The following ADRA1A variants were observed in gnomAD, a reference collection of about 807,000 sequenced individuals.
ADRA1A encodes the protein adrenoceptor alpha 1A, also known as alpha-1A adrenergic receptor.
A neutral mutation model predicts 29.6 loss-of-function variants in ADRA1A; 31 were observed. The observed-to-expected ratio is 1.05, with a 90% CI of 0.79 to 1.41. ADRA1A has a LOEUF of 1.41. ADRA1A is among the 40% of genes most tolerant of loss of function. The pLI, the probability that ADRA1A is intolerant of heterozygous loss-of-function variation, is 0.00. For missense variants in ADRA1A, 619 were observed against 601.1 expected (o/e 1.03, Z -0.31); for synonymous variants, 311 against 254.3 (o/e 1.22, Z -2.12).
chr8:26,785,451 G>A (rs2130382437), intron 2 of ADRA1A, among the ~76,000 whole-genome samples: 1 of 152,298 alleles, frequency 6.6e-6, no homozygotes, highest in Non-Finnish European at 1.5e-5. Flanking sequence ...TCAGGAACTT[G>A]CTCAGGGTTA....
chr8:26,777,851 T>C (rs1806666573), intron 2 of ADRA1A, among the ~76,000 whole-genome samples: 1 of 152,214 alleles, frequency 6.6e-6, no homozygotes, highest in Non-Finnish European at 1.5e-5. Flanking sequence ...CAGGGCACCC[T>C]GGGGGCCTGC....
At chr8:26,817,839 G>T (rs1172594255) in intron 2 of ADRA1A, among the ~76,000 whole-genome samples, 1 of 152,154 alleles carries the variant, frequency 6.6e-6, no homozygotes, top group African/African-American at 2.4e-5. Context: ...ATTTGCTGAT[G>T]TTAACCCAAG....
downstream of ADRA1A, among the ~76,000 whole-genome samples, chr8:26,751,862 A>G (rs1804937146): frequency 6.6e-6 from 1 of 152,196 alleles, no homozygotes; most frequent in East Asian, 1.9e-4. Flanking sequence ...GGAAATGAAC[A>G]CTCAGGTTGG....
chr8:26,832,529 ATG>A (rs761291551), intron 2 of ADRA1A, among the ~76,000 whole-genome samples: 22 of 152,292 alleles, frequency 1.4e-4, no homozygotes, highest in Admixed American at 6.5e-4. Flanking sequence ...GGTTGTGGAC[ATG>A]TGTTTTCTTG....
chr8:26,826,649 C>T (rs1049965633), intron 2 of ADRA1A, among the ~76,000 whole-genome samples: 1 of 152,162 alleles, frequency 6.6e-6, no homozygotes, highest in Non-Finnish European at 1.5e-5. Flanking sequence ...GCTCATCGAC[C>T]CTATGCCCTT....
chr8:26,845,644 G>C (rs966490285), intron 2 of ADRA1A, among the ~76,000 whole-genome samples: 1 of 152,208 alleles, frequency 6.6e-6, no homozygotes, highest in Non-Finnish European at 1.5e-5. Context: ...GATGTTCATA[G>C]CAATGCTATT....
intron 2 of ADRA1A, among the ~76,000 whole-genome samples, chr8:26,857,866 C>G (rs1257968538): frequency 6.6e-6 from 1 of 152,096 alleles, no homozygotes. Flanking sequence ...GTCCTTTTTC[C>G]TTGTCATTTT....
intron 2 of ADRA1A, among the ~76,000 whole-genome samples, chr8:26,820,979 T>A (rs1035068678): frequency 2.0e-5 from 3 of 152,082 alleles, no homozygotes; most frequent in African/African-American, 7.2e-5. Flanking sequence ...AACTTCCACC[T>A]CCTGGGTTCA....
At chr8:26,834,042 A>C (rs1353124676) in intron 2 of ADRA1A, among the ~76,000 whole-genome samples, 1 of 152,240 alleles carries the variant, frequency 6.6e-6, no homozygotes, top group Non-Finnish European at 1.5e-5. Flanking sequence ...GTATGTAATA[A>C]GAAAGCAGGA....
At chr8:26,834,275 G>A (rs1428740947) in intron 2 of ADRA1A, among the ~76,000 whole-genome samples, 3 of 152,190 alleles carry the variant, frequency 2.0e-5, no homozygotes, top group Non-Finnish European at 4.4e-5. Context: ...TCTTTAGGTT[G>A]TGAAGATATC....
chr8:26,810,058 C>A (rs1338313205), intron 2 of ADRA1A, among the ~76,000 whole-genome samples: 1 of 152,198 alleles, frequency 6.6e-6, no homozygotes. Flanking sequence ...CTTATTACTT[C>A]CTGCCTTTCT....
intron 2 of ADRA1A, among the ~76,000 whole-genome samples, chr8:26,849,825 C>G (rs561077816): frequency 3.3e-5 from 5 of 152,084 alleles, no homozygotes; most frequent in Non-Finnish European, 7.4e-5. Flanking sequence ...TCAAACAAGA[C>G]TTAAGCAGCT....
chr8:26,768,492 CG>C (rs1805914097), downstream of ADRA1A, among the ~76,000 whole-genome samples: 1 of 152,058 alleles, frequency 6.6e-6, no homozygotes, highest in African/African-American at 2.4e-5. Context: ...AGCCCTAATC[CG>C]AAAATCTGAA....
intron 2 of ADRA1A, among the ~76,000 whole-genome samples, chr8:26,794,518 C>A (rs896851723): frequency 1.3e-5 from 2 of 152,112 alleles, no homozygotes; most frequent in East Asian, 1.9e-4. Context: ...TTGAATGCAA[C>A]CATAGTCATT....
At position 26,775,181 on chromosome 8, in the gene ADRA1A, G is replaced by A. The variant is rs1806457090; in HGVS notation, c.884-4515C>T. ...CCTAGTTTTTGCTGCATGAATGGCC[G>A]ACCTTCTGACAGACGGATGGACTGA... On this transcript the variant is annotated intron_variant, in intron 2 of 2. Coordinates refer to ENST00000380573, the MANE Select transcript of ADRA1A (RefSeq NM_000680.4). The surrounding 1 kb of genome is among the most constrained non-coding windows in gnomAD (Gnocchi z 4.1). 6.6e-6 allele frequency among the ~76,000 whole-genome samples: 1 copy of A among 152,144 alleles called. No homozygotes were observed.
chr8:26,761,352 G>A (rs1805492645), downstream of ADRA1A, among the ~76,000 whole-genome samples: 1 of 152,144 alleles, frequency 6.6e-6, no homozygotes, highest in Non-Finnish European at 1.5e-5. Flanking sequence ...AGTGAGGAGG[G>A]AGTCCTTGTG....
At chr8:26,849,518 A>G (rs1421072901) in intron 2 of ADRA1A, among the ~76,000 whole-genome samples, 5 of 152,216 alleles carry the variant, frequency 3.3e-5, no homozygotes, top group Non-Finnish European at 5.9e-5. Flanking sequence ...TGTTACTTCC[A>G]TCTCTTGAAG....
chr8:26,820,120 G>A (rs1810050930), intron 2 of ADRA1A, among the ~76,000 whole-genome samples: 1 of 152,088 alleles, frequency 6.6e-6, no homozygotes, highest in Non-Finnish European at 1.5e-5. Flanking sequence ...AAACTGAAAA[G>A]AGAAATAGAG....
chr8:26,791,145 A>G (rs978081806), intron 2 of ADRA1A, among the ~76,000 whole-genome samples: 5 of 152,162 alleles, frequency 3.3e-5, no homozygotes, highest in Non-Finnish European at 7.4e-5. Flanking sequence ...TTGCTATTTT[A>G]TTTTTATTAT....
Sources: gnomAD v4.1 joint callset for allele counts (sites outside exome capture counted in the v4.1 genomes callset) on GRCh38, gnomAD v4.1.1 for gene constraint, Gnocchi (gnomAD v3.1) non-coding constraint, MANE v1.5 for transcripts, NCBI Gene and HGNC (gene_info 2026-07-23, HGNC 2026-07-21) for gene names.